The following UBE2D3 variants were observed in gnomAD, a reference collection of about 807,000 sequenced individuals.
The protein encoded by UBE2D3 is ubiquitin-conjugating enzyme E2 D3.
In UBE2D3, 2 loss-of-function variants were observed where a neutral mutation model predicts 22.8. The observed-to-expected ratio is 0.09, with a 90% CI of 0.04 to 0.28. The LOEUF (loss-of-function observed/expected upper bound fraction) is 0.28. Among genes scored for constraint, UBE2D3 ranks in the 10% least tolerant of loss-of-function variants. The pLI, the probability that UBE2D3 is intolerant of heterozygous loss-of-function variation, is 1.00. For missense variants in UBE2D3, 27 were observed against 182.5 expected (o/e 0.15, Z 4.91); for synonymous variants, 56 against 60.4 (o/e 0.93, Z 0.34).
chr4:102,818,050 T>C (rs1241299536), intron 2 of UBE2D3, among the ~76,000 whole-genome samples: 2 of 152,140 alleles, frequency 1.3e-5, no homozygotes, highest in African/African-American at 4.8e-5. Context: ...ACACGGCACC[T>C]GTAAAATTTT....
intron 2 of UBE2D3, among the ~76,000 whole-genome samples, 155 bp downstream of exon 2, chr4:102,826,327 TTTC>T (rs1487473935): frequency 6.6e-6 from 1 of 152,178 alleles, no homozygotes; most frequent in Admixed American, 6.5e-5. Context: ...TTAAACTTCA[TTTC>T]TTCAAGAAGT....
intron 1 of UBE2D3, among the ~76,000 whole-genome samples, chr4:102,860,123 A>C (rs908302753): frequency 6.7e-6 from 1 of 148,218 alleles, no homozygotes; most frequent in Non-Finnish European, 1.5e-5. Context: ...CTGGGATTAC[A>C]GGCGTGAGCC....
intron 1 of UBE2D3, 151 bp from the exon 2 acceptor site, chr4:102,826,787 G>T: frequency 3.1e-6 from 4 of 1,269,964 alleles, no homozygotes; most frequent in Non-Finnish European, 4.0e-6. Context: ...GGCCCGAAGT[G>T]GGGGCGAGGG....
intron 1 of UBE2D3, among the ~76,000 whole-genome samples, chr4:102,845,481 A>T (rs948291108): frequency 2.0e-5 from 3 of 152,182 alleles, no homozygotes; most frequent in African/African-American, 7.2e-5. Flanking sequence ...GGATTAGGGA[A>T]CAATTCGTTG....
upstream of UBE2D3, among the ~76,000 whole-genome samples, chr4:102,831,164 C>T (rs1050906466): frequency 2.0e-5 from 3 of 152,194 alleles, no homozygotes; most frequent in Non-Finnish European, 4.4e-5. Context: ...GTAAATGCTA[C>T]GGTCCAGATT....
chr4:102,805,561 A>G lies in UBE2D3; in HGVS notation c.121-2923T>C, dbSNP rs898484856. 2.0e-5 allele frequency among the ~76,000 whole-genome samples: 3 copies of G among 146,364 alleles called. No homozygotes were observed. In the Admixed American group the frequency reaches 2.1e-4, roughly 10 times the overall value. ...GAGTGCAGTGGTGTGATCTCGGCTC[A>G]CTGCAACCTCCACCTCCCAGGTTCA... On this transcript the variant is annotated intron_variant, in intron 4 of 7. Transcript: ENST00000453744.
chr4:102,823,724 TAAAG>T (rs778725306), intron 2 of UBE2D3, among the ~76,000 whole-genome samples: 1 of 152,078 alleles, frequency 6.6e-6, no homozygotes, highest in Non-Finnish European at 1.5e-5. Context: ...CTCGTTCAAA[TAAAG>T]AATACAGGAA....
chr4:102,838,577 C>T (rs1731552934), intron 1 of UBE2D3, among the ~76,000 whole-genome samples: 1 of 152,078 alleles, frequency 6.6e-6, no homozygotes, highest in Non-Finnish European at 1.5e-5. Context: ...TTGTGAAACA[C>T]TTAACTCTCA....
At chr4:102,811,729 T>C (rs1179861037) in intron 2 of UBE2D3, 1 of 426,976 alleles carries the variant, frequency 2.3e-6, no homozygotes, top group Non-Finnish European at 4.6e-6. Context: ...AAAGACCAAG[T>C]ACTAGAAAGC....
At chr4:102,833,411 A>C (rs569620599) in intron 1 of UBE2D3, among the ~76,000 whole-genome samples, 7 of 152,354 alleles carry the variant, frequency 4.6e-5, no homozygotes, top group Non-Finnish European at 8.8e-5. Flanking sequence ...GTTGCCAACA[A>C]GATCATAAAC....
chr4:102,828,629 CT>C (rs1217602629), upstream of UBE2D3, among the ~76,000 whole-genome samples: 1 of 151,874 alleles, frequency 6.6e-6, no homozygotes, highest in East Asian at 1.9e-4. Context: ...AATTCTCAAA[CT>C]TTAGCTTCTG....
At chr4:102,804,650 T>G (rs1172142791) in intron 4 of UBE2D3, among the ~76,000 whole-genome samples, 1 of 152,170 alleles carries the variant, frequency 6.6e-6, no homozygotes, top group Non-Finnish European at 1.5e-5. Flanking sequence ...AATTAACAAT[T>G]TAAAGGTAAT....
At chr4:102,798,484 G>A (rs907717550) in intron 7 of UBE2D3, among the ~76,000 whole-genome samples, 15 of 151,364 alleles carry the variant, frequency 9.9e-5, no homozygotes, top group African/African-American at 3.4e-4. Flanking sequence ...CATACAGGGA[G>A]CCACAAAGTA....
At position 102,797,287 on chromosome 4, in the gene UBE2D3, A is replaced by G. The variant is rs1725363729; in HGVS notation, c.*128T>C. The stretch of plus-strand genomic sequence containing the variant: ...AGCATGTGAATGAATGGAGGGAGGT[A>G]AACAAAAAATAAAATTAAAAAAGAT... On this transcript the variant is annotated 3_prime_UTR_variant, in exon 8 of 8. Transcript: ENST00000453744. 1.3e-6 allele frequency: 1 copy of G among 746,172 alleles called. No individual in the cohort carries two copies. Among genetic ancestry groups the G allele is most frequent in the Non-Finnish European group, 2.1e-6 (1 of 466,706 alleles). 46.2% of individuals were successfully genotyped at this position (746,172 alleles called of 1,614,324 possible).
chr4:102,868,095 C>T (rs1390127540), intron 1 of UBE2D3, among the ~76,000 whole-genome samples: 9 of 49,968 alleles, frequency 1.8e-4, no homozygotes, highest in Non-Finnish European at 2.8e-4. Flanking sequence ...TTTTTTGTGA[C>T]GGAGTCTTGC....
chr4:102,828,808 A>G (rs1730937909), upstream of UBE2D3, among the ~76,000 whole-genome samples: 1 of 152,142 alleles, frequency 6.6e-6, no homozygotes, highest in Admixed American at 6.5e-5. Context: ...AAGTATGGAG[A>G]CGGCAGTTAT....
At chr4:102,825,935 G>C (rs1008898204) in intron 2 of UBE2D3, 4 of 362,160 alleles carry the variant, frequency 1.1e-5, no homozygotes, top group Admixed American at 7.3e-5. Flanking sequence ...AACCTGCCCA[G>C]AGTCGACTAA....
At chr4:102,828,063 G>A (rs1730865020), upstream of UBE2D3, 2 of 985,466 alleles carry the variant, frequency 2.0e-6, no homozygotes, top group Non-Finnish European at 1.2e-6. Flanking sequence ...CCTCCAAAAT[G>A]CATAAGTTCT....
intron 2 of UBE2D3, chr4:102,826,003 C>A (rs1191256301): frequency 6.8e-6 from 2 of 295,140 alleles, no homozygotes; most frequent in East Asian, 9.7e-5. Context: ...TCTACCCGAC[C>A]CTCAGTCAAG....
Sources: allele counts gnomAD v4.1 joint callset (sites outside exome capture counted in the v4.1 genomes callset), GRCh38; gene constraint gnomAD v4.1.1; transcripts MANE v1.5; gene names NCBI Gene and HGNC (gene_info 2026-07-23, HGNC 2026-07-21).